KCNH3: variants seen among roughly 807,000 people sequenced by gnomAD.
KCNH3 encodes voltage-gated inwardly rectifying potassium channel KCNH3.
Under a neutral mutation model 95.6 loss-of-function variants are expected in KCNH3, and 36 were observed. That is an observed-to-expected ratio of 0.38 (90% CI 0.29 to 0.50). The LOEUF (loss-of-function observed/expected upper bound fraction) is 0.50. KCNH3 is among the 20% of genes least tolerant of loss of function. KCNH3 has a pLI of 0.95. For missense variants in KCNH3, 1,030 were observed against 1,484.1 expected, an observed-to-expected ratio of 0.69 and a Z score of 5.03; for synonymous variants, 620 against 646.3, an observed-to-expected ratio of 0.96 and a Z score of 0.62.
At position 49,549,652 on chromosome 12, in the gene KCNH3, G is replaced by A. The variant is rs761408538; in HGVS notation, c.1668+12G>A. The A allele has an allele frequency of 1.7e-5, 28 of 1,603,478 alleles. No homozygotes were observed. Among genetic ancestry groups the A allele is most frequent in the African/African-American group, 1.1e-4 (8 of 74,824 alleles). Reference sequence around the variant, plus strand: ...TCGACACCACCGAGGTGCGGCCTCCGGGGCTGGGCCTGCTAGCCTTTGCTC... The same window carrying A: ...TCGACACCACCGAGGTGCGGCCTCCAGGGCTGGGCCTGCTAGCCTTTGCTC... On this transcript the variant is annotated intron_variant, in intron 9 of 14. Transcript: ENST00000257981.
rs762934868 is a variant in KCNH3, at chr12:49,556,633, G to A, written c.2575+157G>A. ...ACCCCTTGGTGTCGTGCGGGCAGGG[G>A]AGTTTGGTGGTGAAGACCAGCACTT... On this transcript the variant is annotated intron_variant, in intron 13 of 14. Transcript: ENST00000257981. 9 of 710,286 alleles carry A rather than the reference G, an allele frequency of 1.3e-5. No individual in the cohort carries two copies. In the South Asian group the frequency reaches 1.3e-4, roughly 11 times the overall value. 44.0% of individuals were successfully genotyped at this position (710,286 alleles called of 1,614,324 possible). A position where few individuals can be genotyped will look rare whatever the true frequency, so the allele number is the denominator to read the frequency against.
intron 13 of KCNH3, 63 bp downstream of exon 13, chr12:49,556,539 C>A: frequency 1.8e-6 from 2 of 1,132,714 alleles, no homozygotes; most frequent in Non-Finnish European, 2.7e-6. Flanking sequence ...GAACCTCAAG[C>A]ACTGTTGACC....
Position 49,539,367 on chromosome 12 carries a change from G to T in KCNH3, c.-50G>T. 3.9e-6 allele frequency: 5 copies of T among 1,277,238 alleles called. No individual in the cohort carries two copies. The highest frequency in any genetic ancestry group is 5.1e-6 in the Non-Finnish European group (5 of 989,450). 79.1% of individuals were successfully genotyped at this position (1,277,238 alleles called of 1,614,324 possible). A position where few individuals can be genotyped will look rare whatever the true frequency, so the allele number is the denominator to read the frequency against. On this transcript the variant is annotated 5_prime_UTR_variant, in exon 1 of 15. Coordinates refer to ENST00000257981, the MANE Select transcript of KCNH3 (RefSeq NM_012284.3). The surrounding 1 kb of genome is among the most constrained non-coding windows in gnomAD (Gnocchi z 6.7). Reference sequence around the variant, plus strand: ...CGAGCTGGGCGCCCTCCCCCGGCGCGGAGTCCCCGCACCCCGGAGGGATGG... The same window carrying T: ...CGAGCTGGGCGCCCTCCCCCGGCGCTGAGTCCCCGCACCCCGGAGGGATGG...
At chr12:49,556,728 C>T (rs775809945) in intron 13 of KCNH3, 26 of 687,624 alleles carry the variant, frequency 3.8e-5, no homozygotes, top group Non-Finnish European at 6.9e-5. Context: ...GTGAATTTGG[C>T]TTCTCTGGCC....
intron 13 of KCNH3, chr12:49,556,697 C>T (rs1565783522): frequency 2.9e-6 from 2 of 695,900 alleles, no homozygotes; most frequent in South Asian, 1.5e-5. Context: ...TATATCCTTG[C>T]TCTGTCAGCT....
rs1460871990 is a variant in KCNH3, at chr12:49,552,966, T to C, written c.1919-1371T>C. ...AAGTTGGAGCAAAAGTCCAGGAACA[T>C]GTAGAGGAGACGTGAGCTCAGTGTG... On this transcript the variant is annotated intron_variant, in intron 10 of 14. Coordinates refer to ENST00000257981, the MANE Select transcript of KCNH3 (RefSeq NM_012284.3). Among the ~76,000 whole-genome samples, 3 of 152,090 alleles carry C rather than the reference T, an allele frequency of 2.0e-5. No individual in the cohort carries two copies. In the South Asian group the frequency reaches 6.2e-4, roughly 31 times the overall value.
chr12:49,543,328 G>A lies in KCNH3; in HGVS notation c.633G>A (p.Arg211=). 6.2e-7 allele frequency: 1 copy of A among 1,613,852 alleles called. No individual in the cohort carries two copies. The highest frequency in any genetic ancestry group is 8.5e-7 in the Non-Finnish European group (1 of 1,180,038). The change falls in exon 5 of 15, where the codon CGG becomes CGA. Residue 211 remains arginine, a synonymous_variant. Transcript: ENST00000257981. ...NLPEYKVAAI[R]KSPFILLHCG... is the part of the protein sequence containing the mutation. ...CTGAGTACAAAGTAGCCGCCATCCG[G>A]AAGTCGCCCTTCATCCTGTTGCACT...
intron 13 of KCNH3, among the ~76,000 whole-genome samples, 176 bp from the exon 14 acceptor site, chr12:49,557,007 T>C (rs1440830526): frequency 6.6e-6 from 1 of 152,066 alleles, no homozygotes; most frequent in Non-Finnish European, 1.5e-5. Flanking sequence ...GGTGGTGTTT[T>C]CCCTGCCCCT....
At chr12:49,552,840 C>T (rs1938310136) in intron 10 of KCNH3, among the ~76,000 whole-genome samples, 1 of 152,192 alleles carries the variant, frequency 6.6e-6, no homozygotes, top group Admixed American at 6.5e-5. Flanking sequence ...CAGATGATCA[C>T]ATTGAGATCC....
chr12:49,547,812 C>T (rs1255057607), intron 7 of KCNH3, among the ~76,000 whole-genome samples: 1 of 152,080 alleles, frequency 6.6e-6, no homozygotes, highest in South Asian at 2.1e-4. Context: ...AAGCCACAGC[C>T]ACACATACCC....
intron 3 of KCNH3, among the ~76,000 whole-genome samples, chr12:49,542,150 G>A (rs1216702097): frequency 6.6e-6 from 1 of 152,202 alleles, no homozygotes; most frequent in Non-Finnish European, 1.5e-5. Context: ...AGTTCTTCGA[G>A]TCTTTCCCCT....
intron 1 of KCNH3, among the ~76,000 whole-genome samples, chr12:49,540,671 A>G (rs1937840835): frequency 6.6e-6 from 1 of 152,142 alleles, no homozygotes; most frequent in African/African-American, 2.4e-5. Context: ...TCATTCACCG[A>G]CCTCAGTTCA....
chr12:49,554,592 T>A, intron 11 of KCNH3, 38 bp downstream of exon 11: 1 of 1,557,240 alleles, frequency 6.4e-7, no homozygotes. Context: ...GGGATGGGGG[T>A]GCCAGGGAGC....
chr12:49,541,950 TAGAC>T (rs1163705391), intron 3 of KCNH3, among the ~76,000 whole-genome samples, 186 bp downstream of exon 3: 1 of 152,202 alleles, frequency 6.6e-6, no homozygotes, highest in Non-Finnish European at 1.5e-5. Context: ...TTTTTCCAAA[TAGAC>T]AGATTGAGAC....
At chr12:49,543,616 C>G in intron 5 of KCNH3, 98 bp downstream of exon 5, 1 of 1,438,168 alleles carries the variant, frequency 7.0e-7, no homozygotes, top group Non-Finnish European at 9.3e-7. Flanking sequence ...CAGTGCCCCC[C>G]TCGCTCTCTC....
chr12:49,551,592 A>AG (rs1194830293), intron 10 of KCNH3, among the ~76,000 whole-genome samples: 1 of 151,462 alleles, frequency 6.6e-6, no homozygotes, highest in Non-Finnish European at 1.5e-5. Context: ...AAAAAAAAAA[A>AG]AAAAAAGAAA....
chr12:49,541,835 C>G (rs1051631157), intron 3 of KCNH3, 71 bp downstream of exon 3: 15 of 1,560,776 alleles, frequency 9.6e-6, no homozygotes, highest in African/African-American at 1.4e-5. Context: ...GGCACCCAGT[C>G]TGAGTACGGG....
At chr12:49,549,372 G>C in intron 8 of KCNH3, 69 bp from the exon 9 acceptor site, 1 of 1,567,398 alleles carries the variant, frequency 6.4e-7, no homozygotes, top group South Asian at 1.1e-5. Context: ...GCCGAGGACA[G>C]ATGAGCCCAG....
At chr12:49,543,043 T>G (rs1317140773) in intron 4 of KCNH3, among the ~76,000 whole-genome samples, 2 of 152,184 alleles carry the variant, frequency 1.3e-5, no homozygotes, top group Non-Finnish European at 2.9e-5. Flanking sequence ...GGGCCTTGGT[T>G]CAATCCTGGC....
Sources: gnomAD v4.1 joint callset for allele counts (sites outside exome capture counted in the v4.1 genomes callset) on GRCh38, gnomAD v4.1.1 for gene constraint, Gnocchi (gnomAD v3.1) non-coding constraint, MANE v1.5 for transcripts, NCBI Gene and HGNC (gene_info 2026-07-23, HGNC 2026-07-21) for gene names.